The following SLC35F1 variants were observed in gnomAD, a reference collection of about 807,000 sequenced individuals.
The protein encoded by SLC35F1 is solute carrier family 35 member F1.
A neutral mutation model predicts 48.7 loss-of-function variants in SLC35F1; 14 were observed. The ratio of observed to expected loss-of-function variants is 0.29; its 90% CI spans 0.19 to 0.45. The LOEUF (loss-of-function observed/expected upper bound fraction) is 0.45, where lower values mean the gene tolerates loss of function less well. Ranked by LOEUF, SLC35F1 falls within the 20% of genes least tolerant of loss-of-function variation. The pLI, the probability that SLC35F1 is intolerant of heterozygous loss-of-function variation, is 1.00. For synonymous variants in SLC35F1, 190 were observed against 202.2 expected (o/e 0.94, Z 0.51); for missense variants, 404 against 500.0 (o/e 0.81, Z 1.83).
At chr6:118,011,942 A>G (rs1444822647) in intron 1 of SLC35F1, among the ~76,000 whole-genome samples, 1 of 152,208 alleles carries the variant, frequency 6.6e-6, no homozygotes, top group Non-Finnish European at 1.5e-5. Context: ...GTCAATCAGA[A>G]AAAGAAAGAA....
chr6:117,989,225 A>G (rs953367642), intron 1 of SLC35F1, among the ~76,000 whole-genome samples: 7 of 152,318 alleles, frequency 4.6e-5, no homozygotes, highest in South Asian at 4.1e-4. Context: ...CTGTTTCCAG[A>G]CAAAACAGTT....
intron 1 of SLC35F1, among the ~76,000 whole-genome samples, chr6:118,149,671 GAC>G (rs904593322): frequency 6.6e-6 from 1 of 152,148 alleles, no homozygotes; most frequent in Non-Finnish European, 1.5e-5. Context: ...TCATTAGCAT[GAC>G]GAATAAAACC....
chr6:118,039,546 T>G (rs1414826835), intron 1 of SLC35F1, among the ~76,000 whole-genome samples: 14 of 152,026 alleles, frequency 9.2e-5, no homozygotes, highest in African/African-American at 3.4e-4. Flanking sequence ...CATTTTGTTT[T>G]CTTTCTCTTT....
chr6:117,988,004 G>A lies in SLC35F1; in HGVS notation c.173+80105G>A, dbSNP rs150918673. Among the ~76,000 whole-genome samples the A allele has an allele frequency of 1.8e-3, 269 of 152,170 alleles. 2 individuals are homozygous for A. Among genetic ancestry groups the A allele is most frequent in the African/African-American group, 6.2e-3 (258 of 41,518 alleles). ...TGGGCCATTCATAAAGGGATGACCA[G>A]GCTTTCTAGCTCCACAGAGAGGAGA... On this transcript the variant is annotated intron_variant, in intron 1 of 7. Transcript: ENST00000360388.
chr6:117,988,314 T>A (rs1459264349), intron 1 of SLC35F1, among the ~76,000 whole-genome samples: 3 of 152,318 alleles, frequency 2.0e-5, no homozygotes, highest in Non-Finnish European at 4.4e-5. Flanking sequence ...CTGCTTGTAG[T>A]CACTTCCCTT....
chr6:118,285,158 C>T (rs1216648002), intron 6 of SLC35F1, 26 bp from the exon 7 acceptor site: 2 of 1,608,160 alleles, frequency 1.2e-6, no homozygotes, highest in Non-Finnish European at 1.7e-6. Flanking sequence ...GGCCCTGACG[C>T]TGCCTTCTCT....
At chr6:118,034,278 C>G (rs1454508179) in intron 1 of SLC35F1, among the ~76,000 whole-genome samples, 1 of 152,038 alleles carries the variant, frequency 6.6e-6, no homozygotes, top group Non-Finnish European at 1.5e-5. Flanking sequence ...ACAGGCCTGG[C>G]TGGGTATGGT....
intron 3 of SLC35F1, among the ~76,000 whole-genome samples, chr6:118,258,946 A>G (rs1350318346): frequency 2.0e-5 from 3 of 152,062 alleles, no homozygotes; most frequent in South Asian, 2.1e-4. Context: ...ATGACTTACC[A>G]TAGTTGACTA....
At chr6:117,941,795 T>A (rs1337240923) in intron 1 of SLC35F1, among the ~76,000 whole-genome samples, 1 of 152,210 alleles carries the variant, frequency 6.6e-6, no homozygotes, top group Non-Finnish European at 1.5e-5. Context: ...TTGAAGCTTT[T>A]CCGAAAGAAA....
At chr6:117,934,978 A>C (rs1364080718) in intron 1 of SLC35F1, among the ~76,000 whole-genome samples, 1 of 152,162 alleles carries the variant, frequency 6.6e-6, no homozygotes, top group African/African-American at 2.4e-5. Context: ...ATCGTGGTGA[A>C]TGCCTTTAAT....
At chr6:118,071,017 A>ATATTCTATGTG (rs1772705129) in intron 1 of SLC35F1, among the ~76,000 whole-genome samples, 2 of 82,100 alleles carry the variant, frequency 2.4e-5, no homozygotes, top group Admixed American at 1.4e-4. Context: ...TACACGTAGT[A>ATATTCTATGTG]TATATATTCT....
intron 1 of SLC35F1, among the ~76,000 whole-genome samples, chr6:118,119,887 A>G (rs1175731467): frequency 6.6e-6 from 1 of 152,202 alleles, no homozygotes; most frequent in Non-Finnish European, 1.5e-5. Flanking sequence ...AAAAAGGATA[A>G]TCTTTGACAT....
intron 1 of SLC35F1, among the ~76,000 whole-genome samples, chr6:118,026,160 C>T (rs1771940980): frequency 6.6e-6 from 1 of 152,056 alleles, no homozygotes. Context: ...TAGATAAAGG[C>T]TGTGGAAATA....
rs372641234 is a variant in SLC35F1, at chr6:118,286,775, CTG to C, written c.1002+1465_1002+1466del. 4.0e-3 allele frequency among the ~76,000 whole-genome samples: 568 copies of C among 143,330 alleles called. 2 individuals are homozygous for C. The highest frequency in any genetic ancestry group is 0.013 in the South Asian group (56 of 4,432). 94.0% of individuals were successfully genotyped at this position (143,330 alleles called of 152,430 possible). A position where few individuals can be genotyped will look rare whatever the true frequency, so the allele number is the denominator to read the frequency against. ...ATCACCTCACATAGTTACCTTTTTTCTGTGTGTGTGTGTGTGTGTGTGTGTGT... is the reference window on the plus strand; with the variant it reads ...ATCACCTCACATAGTTACCTTTTTTCTGTGTGTGTGTGTGTGTGTGTGTGT... On this transcript the variant is annotated intron_variant, in intron 7 of 7. Coordinates refer to ENST00000360388, the MANE Select transcript of SLC35F1 (RefSeq NM_001029858.4).
At chr6:118,072,589 A>G (rs1031912224) in intron 1 of SLC35F1, among the ~76,000 whole-genome samples, 48 of 152,002 alleles carry the variant, frequency 3.2e-4, no homozygotes, top group Admixed American at 3.1e-3. Context: ...AAATTAGAGG[A>G]TTTCTTTTTC....
chr6:118,157,887 T>C (rs1307448733), intron 2 of SLC35F1, among the ~76,000 whole-genome samples: 1 of 152,204 alleles, frequency 6.6e-6, no homozygotes, highest in Non-Finnish European at 1.5e-5. Context: ...AACAATACTT[T>C]CTATCCTTCA....
chr6:117,918,080 G>C (rs1397991300), intron 1 of SLC35F1, among the ~76,000 whole-genome samples: 1 of 152,168 alleles, frequency 6.6e-6, no homozygotes, highest in African/African-American at 2.4e-5. Flanking sequence ...CCCTGTGGCT[G>C]TGGCAACCAC....
At chr6:118,119,552 T>C (rs1773526057) in intron 1 of SLC35F1, among the ~76,000 whole-genome samples, 1 of 128,318 alleles carries the variant, frequency 7.8e-6, no homozygotes. Context: ...TCGCCCAGGC[T>C]GGAGTGTAAT....
intron 1 of SLC35F1, among the ~76,000 whole-genome samples, chr6:117,965,277 C>T (rs1365328012): frequency 6.6e-6 from 1 of 152,164 alleles, no homozygotes; most frequent in Non-Finnish European, 1.5e-5. Context: ...CAGCAACATG[C>T]CACAAGTCCA....
Sources: gnomAD v4.1 joint callset for allele counts (sites outside exome capture counted in the v4.1 genomes callset) on GRCh38, gnomAD v4.1.1 for gene constraint, MANE v1.5 for transcripts, NCBI Gene and HGNC (gene_info 2026-07-23, HGNC 2026-07-21) for gene names.